MAML3: variants seen among roughly 807,000 people sequenced by gnomAD.
MAML3 encodes mastermind-like protein 3.
MAML3 carries 27 observed loss-of-function variants against 101.9 expected under a neutral mutation model. That is an observed-to-expected ratio of 0.27 (90% CI 0.20 to 0.37). The LOEUF is 0.37. Among genes scored for constraint, MAML3 ranks in the 10% least tolerant of loss-of-function variants. MAML3 has a pLI of 1.00. For missense variants in MAML3, 1,316 were observed against 1,444.9 expected (o/e 0.91, Z 1.45); for synonymous variants, 501 against 555.9 (o/e 0.90, Z 1.39).
chr4:140,078,747 C>T (rs1727817381), intron 1 of MAML3, among the ~76,000 whole-genome samples: 1 of 152,142 alleles, frequency 6.6e-6, no homozygotes, highest in South Asian at 2.1e-4. Context: ...TCTCCAGCTC[C>T]CATTGCCAGG....
intron 1 of MAML3, among the ~76,000 whole-genome samples, chr4:140,130,025 C>A (rs1246715573): frequency 6.6e-6 from 1 of 151,536 alleles, no homozygotes; most frequent in Admixed American, 6.6e-5. Context: ...TCTAATGAAT[C>A]CGCAATTGTG....
intron 1 of MAML3, among the ~76,000 whole-genome samples, chr4:139,939,402 A>C (rs1733559516): frequency 6.6e-6 from 1 of 152,058 alleles, no homozygotes; most frequent in South Asian, 2.1e-4. Flanking sequence ...CCTGAGGCCC[A>C]ATCTTCTGGG....
intron 2 of MAML3, among the ~76,000 whole-genome samples, chr4:139,852,403 G>GTTTTTTTTTTTGTTGTTGTTTTTTTT (rs1731572633): frequency 1.5e-5 from 1 of 68,326 alleles, no homozygotes; most frequent in African/African-American, 6.7e-5. Flanking sequence ...TCAGAAGACT[G>GTTTTTTTTTTTGTTGTTGTTTTTTTT]TTTTTTTTTT....
At chr4:140,151,785 T>G (rs1046929250) in intron 1 of MAML3, among the ~76,000 whole-genome samples, 28 of 152,018 alleles carry the variant, frequency 1.8e-4, no homozygotes, top group African/African-American at 6.5e-4. Flanking sequence ...AGAGAAAGGA[T>G]TCTAGCCTCC....
At chr4:140,122,567 C>T (rs1441538246) in intron 1 of MAML3, among the ~76,000 whole-genome samples, 4 of 151,716 alleles carry the variant, frequency 2.6e-5, no homozygotes, top group Non-Finnish European at 4.4e-5. Flanking sequence ...CCGAGGCGGG[C>T]GGATCACGAG....
At chr4:140,030,105 T>C (rs1726884632) in intron 1 of MAML3, among the ~76,000 whole-genome samples, 1 of 152,192 alleles carries the variant, frequency 6.6e-6, no homozygotes, top group African/African-American at 2.4e-5. Flanking sequence ...GGTTTCTCTG[T>C]GTCTTATTTC....
chr4:140,056,656 A>G (rs1224867723), intron 1 of MAML3, among the ~76,000 whole-genome samples: 1 of 151,800 alleles, frequency 6.6e-6, no homozygotes, highest in Non-Finnish European at 1.5e-5. Flanking sequence ...AAAAATACCA[A>G]AAAATTAGCC....
At chr4:140,059,729 T>C (rs747737800) in intron 1 of MAML3, among the ~76,000 whole-genome samples, 2 of 152,100 alleles carry the variant, frequency 1.3e-5, no homozygotes, top group Non-Finnish European at 2.9e-5. Context: ...CTATATAATT[T>C]TAAGTGTGTC....
intron 2 of MAML3, chr4:139,731,184 A>G (rs1382906019): frequency 6.2e-6 from 1 of 162,016 alleles, no homozygotes; most frequent in African/African-American, 2.4e-5. Context: ...ACGAGTTGCA[A>G]CATTTGAGAG....
Position 140,048,458 on chromosome 4 carries a change from G to C in MAML3, c.468+104402C>G, listed in dbSNP as rs545095321. 1.1e-3 allele frequency among the ~76,000 whole-genome samples: 165 copies of C among 152,292 alleles called. 1 individual carries two copies. Among genetic ancestry groups the C allele is most frequent in the Middle Eastern group, 6.8e-3 (2 of 294 alleles). On this transcript the variant is annotated intron_variant, in intron 1 of 4. Transcript: ENST00000509479. ...TCTCCTTGTAACTGGGCTTCCCATG[G>C]TTGCAAAAACAGTGGGTGCCTTCAC... is the stretch of plus-strand genomic sequence containing the variant.
At position 140,153,032 on chromosome 4, in the gene MAML3, T is replaced by A. The variant is rs1196869187; in HGVS notation, c.296A>T (p.Gln99Leu). 1 of 1,593,834 alleles carries A rather than the reference T, an allele frequency of 6.3e-7. No homozygotes were observed. The highest frequency in any genetic ancestry group is 2.3e-5 in the East Asian group (1 of 43,882). Residue 99 changes from glutamine to leucine, a missense_variant, in exon 1 of 5, where the codon CAG becomes CTG. Physicochemically the swap from Gln to Leu is moderately radical, Grantham distance 113. Coordinates refer to ENST00000509479, the MANE Select transcript of MAML3 (RefSeq NM_018717.5). The part of the protein sequence containing the change: ...VNCENRYQQA[Q>L]VEQLELERRD... ...GCGCTCCAGCTCCAGCTGCTCCACC[T>A]GAGCCTGCTGGTACCTGTTCTCGCA...
chr4:140,133,904 C>G (rs2111043911), intron 1 of MAML3: 1 of 346,776 alleles, frequency 2.9e-6, no homozygotes, highest in South Asian at 2.2e-5. Flanking sequence ...TAAACAGAAA[C>G]AAGGATACTT....
At chr4:140,014,666 G>A (rs773931307) in intron 1 of MAML3, among the ~76,000 whole-genome samples, 1 of 152,210 alleles carries the variant, frequency 6.6e-6, no homozygotes, top group Non-Finnish European at 1.5e-5. Flanking sequence ...TTACAATAGA[G>A]TAAATCTGTG....
At chr4:140,003,214 C>CTT (rs1189092510) in intron 1 of MAML3, among the ~76,000 whole-genome samples, 1 of 152,174 alleles carries the variant, frequency 6.6e-6, no homozygotes, top group African/African-American at 2.4e-5. Flanking sequence ...GCCAGTTCTG[C>CTT]TTTTACTACA....
chr4:139,844,176 T>G (rs1427241043), intron 2 of MAML3, among the ~76,000 whole-genome samples: 1 of 152,246 alleles, frequency 6.6e-6, no homozygotes, highest in Non-Finnish European at 1.5e-5. Flanking sequence ...GCACTCTGGC[T>G]GTAAGCGAAA....
chr4:139,924,133 T>C lies in MAML3; in HGVS notation c.469-33166A>G, dbSNP rs557609972. On this transcript the variant is annotated intron_variant, in intron 1 of 4. Transcript: ENST00000509479. ...ACTTCTTCAACCTATTACTCTCTTTTCCTCTCCCCAGACATAGAAACTCAC... is the reference window on the plus strand; with the variant it reads ...ACTTCTTCAACCTATTACTCTCTTTCCCTCTCCCCAGACATAGAAACTCAC... Among the ~76,000 whole-genome samples the C allele has an allele frequency of 6.2e-4, 95 of 152,318 alleles. 1 individual carries two copies. The South Asian group carries it at 0.019, about 30-fold the overall frequency.
intron 2 of MAML3, among the ~76,000 whole-genome samples, chr4:139,869,113 G>A (rs1464730526): frequency 6.6e-6 from 1 of 152,220 alleles, no homozygotes; most frequent in East Asian, 1.9e-4. Context: ...TGTGTGGAAA[G>A]CATGCAAAGA....
intron 1 of MAML3, among the ~76,000 whole-genome samples, chr4:140,030,660 C>T (rs530375662): frequency 5.3e-5 from 8 of 152,256 alleles, no homozygotes; most frequent in African/African-American, 1.9e-4. Context: ...GGCATTTCAC[C>T]TCCTCCCTCC....
At chr4:139,730,966 CT>C (rs1728683684) in intron 2 of MAML3, 2 of 392,516 alleles carry the variant, frequency 5.1e-6, no homozygotes, top group East Asian at 8.3e-5. Context: ...AACTAACATC[CT>C]GTGTTCCTCC....
Sources: allele counts gnomAD v4.1 joint callset (sites outside exome capture counted in the v4.1 genomes callset), GRCh38; gene constraint gnomAD v4.1.1; transcripts MANE v1.5; gene names NCBI Gene and HGNC (gene_info 2026-07-23, HGNC 2026-07-21).